SPRR4: variants seen among roughly 807,000 people sequenced by gnomAD.
The protein encoded by SPRR4 is small proline rich protein 4.
For synonymous variants in SPRR4, 30 were observed against 34.3 expected (o/e 0.87, Z 0.44); for missense variants, 106 against 91.6 (o/e 1.16, Z -0.64).
chr1:152,970,759 T>C (rs1380313651), intron 1 of SPRR4, 65 bp downstream of exon 1: 1 of 152,246 alleles, frequency 6.6e-6, no homozygotes, highest in Admixed American at 6.5e-5. Flanking sequence ...TTAACTCCTT[T>C]GAGCCGCTAG....
upstream of SPRR4, among the ~76,000 whole-genome samples, chr1:152,969,062 T>C (rs773976850): frequency 7.2e-5 from 11 of 152,192 alleles, no homozygotes; most frequent in Non-Finnish European, 1.5e-4. Context: ...TTCTTAGTGT[T>C]GCTAGGCTTG....
chr1:152,971,658 T>C lies in SPRR4; in HGVS notation c.-20-213T>C, dbSNP rs115899278. ...CTTACCTGTAAGACAGAGACTGTTT[T>C]TGTCCTCTCCTCATGCCCCTACATC... is the stretch of plus-strand genomic sequence containing the variant. On this transcript the variant is annotated intron_variant, in intron 1 of 1. Transcript: ENST00000328051. Among the ~76,000 whole-genome samples, 697 of 151,960 alleles carry C rather than the reference T, an allele frequency of 4.6e-3. 4 individuals are homozygous for C. Among genetic ancestry groups the C allele is most frequent in the African/African-American group, 0.016 (673 of 41,438 alleles).
chr1:152,969,228 G>A (rs1332496155), upstream of SPRR4, among the ~76,000 whole-genome samples: 1 of 152,182 alleles, frequency 6.6e-6, no homozygotes, highest in Non-Finnish European at 1.5e-5. Flanking sequence ...ACAGTGACTT[G>A]TCCACCATGG....
Position 152,972,195 on chromosome 1 carries a change from T to C in SPRR4, c.*65T>C, listed in dbSNP as rs1483954551. 3.1e-6 allele frequency: 5 copies of C among 1,597,966 alleles called. No homozygotes were observed. Among genetic ancestry groups the C allele is most frequent in the East Asian group, 2.3e-5 (1 of 44,438 alleles). ...CCAGATGGAACCTTCTCTTCTTCCT[T>C]CTCCTCTTCCCTCCAGCTCTTGAGC... is the stretch of plus-strand genomic sequence containing the variant. On this transcript the variant is annotated 3_prime_UTR_variant, in exon 2 of 2. Transcript: ENST00000328051.
rs1473615806 is a variant in SPRR4, at chr1:152,971,935, C to T, written c.45C>T (p.Pro15=). Reference sequence around the variant, plus strand: ...AGCGGCAGCAGCAGCAGTGCCCACCCCAGAGGGCCCAGCAGCAGCAAGTGA... The same window carrying T: ...AGCGGCAGCAGCAGCAGTGCCCACCTCAGAGGGCCCAGCAGCAGCAAGTGA... ...QQQRQQQQCP[P]QRAQQQQVKQ... Residue 15 remains proline (P), a synonymous_variant, in exon 2 of 2, where the codon CCC becomes CCT. Transcript: ENST00000328051. The T allele has an allele frequency of 1.9e-6, 3 of 1,613,768 alleles. No individual in the cohort carries two copies. The highest frequency in any genetic ancestry group is 1.7e-5 in the Admixed American group (1 of 59,996).
upstream of SPRR4, among the ~76,000 whole-genome samples, chr1:152,969,226 T>C (rs1651763889): frequency 6.6e-6 from 1 of 152,194 alleles, no homozygotes; most frequent in Non-Finnish European, 1.5e-5. Context: ...TGACAGTGAC[T>C]TGTCCACCAT....
upstream of SPRR4, among the ~76,000 whole-genome samples, chr1:152,969,763 T>C (rs1050614578): frequency 1.3e-5 from 2 of 152,246 alleles, no homozygotes; most frequent in Non-Finnish European, 2.9e-5. Context: ...TGGAATATAC[T>C]TATACTTTTA....
In SPRR4 at chr1:152,971,913, G is replaced by GGTA. The variant is rs1651860744; in HGVS notation, c.24_25insTAG (p.Arg8_Gln9insTer). The GGTA allele has an allele frequency of 6.2e-7, 1 of 1,613,712 alleles. No individual in the cohort carries two copies. Among genetic ancestry groups the GGTA allele is most frequent in the African/African-American group, 1.3e-5 (1 of 74,820 alleles). Reference sequence around the variant, plus strand: ...GCAATGTCTTCCCAGCAGCAGCAGCGGCAGCAGCAGCAGTGCCCACCCCAG... The same window carrying GGTA: ...GCAATGTCTTCCCAGCAGCAGCAGCGGTAGCAGCAGCAGCAGTGCCCACCCCAG... On this transcript the variant is annotated stop_gained and inframe_insertion, in exon 2 of 2. Coordinates refer to ENST00000328051, the MANE Select transcript of SPRR4 (RefSeq NM_173080.3). LOFTEE classifies it low-confidence loss of function (END_TRUNC).
chr1:152,971,825 A>G, intron 1 of SPRR4, 46 bp from the exon 2 acceptor site: 1 of 1,583,488 alleles, frequency 6.3e-7, no homozygotes, highest in Non-Finnish European at 8.6e-7. Context: ...TTAAAAGGCT[A>G]CTTTTTAACA....
chr1:152,971,578 T>TCACACACACA (rs57593504), intron 1 of SPRR4, among the ~76,000 whole-genome samples: 55 of 144,242 alleles, frequency 3.8e-4, no homozygotes, highest in African/African-American at 1.4e-3. Context: ...GCCCGATCTC[T>TCACACACACA]CACACACACA....
upstream of SPRR4, among the ~76,000 whole-genome samples, chr1:152,970,285 C>T (rs1311617302): frequency 2.6e-5 from 4 of 152,214 alleles, no homozygotes; most frequent in African/African-American, 7.2e-5. Context: ...GGGATGTTCA[C>T]ATTTTTGTCA....
In SPRR4 at chr1:152,972,307, C is replaced by A. The variant is rs1651875359; in HGVS notation, c.*177C>A. On this transcript the variant is annotated 3_prime_UTR_variant, in exon 2 of 2. Transcript: ENST00000328051. ...CCATCGTACCCTTCCCCACACATACCACCTTGGCTTCTTCTATATCCCACC... is the reference window on the plus strand; with the variant it reads ...CCATCGTACCCTTCCCCACACATACAACCTTGGCTTCTTCTATATCCCACC... The A allele has an allele frequency of 9.4e-7, 1 of 1,067,014 alleles. No homozygotes were observed. The highest frequency in any genetic ancestry group is 1.6e-5 in the African/African-American group (1 of 61,708). 66.1% of individuals were successfully genotyped at this position (1,067,014 alleles called of 1,614,324 possible).
At position 152,972,406 on chromosome 1, in the gene SPRR4, A is replaced by T; in HGVS notation, c.*276A>T. 3 of 476,456 alleles carry T rather than the reference A, an allele frequency of 6.3e-6. No homozygotes were observed. Among genetic ancestry groups the T allele is most frequent in the Non-Finnish European group, 1.2e-5 (3 of 257,164 alleles). 29.5% of individuals were successfully genotyped at this position (476,456 alleles called of 1,614,324 possible). A position where few individuals can be genotyped will look rare whatever the true frequency, so the allele number is the denominator to read the frequency against. On this transcript the variant is annotated 3_prime_UTR_variant, in exon 2 of 2. Coordinates refer to ENST00000328051, the MANE Select transcript of SPRR4 (RefSeq NM_173080.3). ...TCCAGCGTGGCCACAGCTAAGGCCC[A>T]TCCATTTCCCAAAGTGAGGAAAGTG...
chr1:152,971,809 A>C, intron 1 of SPRR4, 62 bp from the exon 2 acceptor site: 3 of 1,555,814 alleles, frequency 1.9e-6, no homozygotes, highest in South Asian at 2.4e-5. Context: ...CTTTTTAAAA[A>C]GGGTGTTAAA....
chr1:152,971,830 T>C, intron 1 of SPRR4, 41 bp from the exon 2 acceptor site: 1 of 1,595,946 alleles, frequency 6.3e-7, no homozygotes, highest in African/African-American at 1.4e-5. Context: ...AGGCTACTTT[T>C]TAACACCCTT....
chr1:152,968,860 G>A (rs925576744), upstream of SPRR4, among the ~76,000 whole-genome samples: 1 of 152,228 alleles, frequency 6.6e-6, no homozygotes, highest in Non-Finnish European at 1.5e-5. Flanking sequence ...GTGCCTTCAA[G>A]GCACCAGGTA....
upstream of SPRR4, among the ~76,000 whole-genome samples, chr1:152,969,119 G>C (rs1422055290): frequency 6.6e-6 from 1 of 152,150 alleles, no homozygotes; most frequent in Non-Finnish European, 1.5e-5. Context: ...AAATTAAGGG[G>C]CTGATTAAAG....
rs1179445564 is a variant in SPRR4 at position 152,971,602 on chromosome 1, A to ACC, written c.-20-268_-20-267insCC. ...CTCACACACACACACACACACACAC[A>ACC]CACACACACACTCACACACACACCA... is the stretch of plus-strand genomic sequence containing the variant. On this transcript the variant is annotated intron_variant, in intron 1 of 1. Coordinates refer to ENST00000328051, the MANE Select transcript of SPRR4 (RefSeq NM_173080.3). Among the ~76,000 whole-genome samples, 115 of 151,204 alleles carry ACC rather than the reference A, an allele frequency of 7.6e-4. 1 individual carries two copies. Among genetic ancestry groups the ACC allele is most frequent in the African/African-American group, 2.7e-3 (112 of 41,284 alleles).
rs537281969 is a variant in SPRR4, at chr1:152,971,981, C to A, written c.91C>A (p.Pro31Thr). ...AGTGAAGCAGCCTTGTCAGCCACCCCCTGTTAAATGTCAAGAGACATGTGC... is the reference window on the plus strand; with the variant it reads ...AGTGAAGCAGCCTTGTCAGCCACCCACTGTTAAATGTCAAGAGACATGTGC... ...QQVKQPCQPPPVKCQETCAPK... is the reference protein window; with the variant it reads ...QQVKQPCQPPTVKCQETCAPK... The change falls in exon 2 of 2, where the codon CCT (proline) becomes ACT (threonine). Residue 31 changes from proline to threonine, a missense_variant. Pro to Thr is a conservative substitution (Grantham distance 38). Coordinates refer to ENST00000328051, the MANE Select transcript of SPRR4 (RefSeq NM_173080.3). 6.2e-7 allele frequency: 1 copy of A among 1,613,936 alleles called. No individual in the cohort carries two copies. Among genetic ancestry groups the A allele is most frequent in the Non-Finnish European group, 8.5e-7 (1 of 1,180,018 alleles).
Sources: gnomAD v4.1 joint callset for allele counts (sites outside exome capture counted in the v4.1 genomes callset) on GRCh38, gnomAD v4.1.1 for gene constraint, MANE v1.5 for transcripts, NCBI Gene and HGNC (gene_info 2026-07-23, HGNC 2026-07-21) for gene names.